Variants in FGF14 observed in about 807,000 individuals in gnomAD.
FGF14 encodes the protein fibroblast growth factor homologous factor 4.
FGF14 carries 5 observed loss-of-function variants against 25.5 expected under a neutral mutation model. That is an observed-to-expected ratio of 0.20 (90% CI 0.10 to 0.41). FGF14 has a LOEUF of 0.41. FGF14 is among the 10% of genes least tolerant of loss of function. The pLI, the probability that FGF14 is intolerant of heterozygous loss-of-function variation, is 1.00. For synonymous variants in FGF14, 138 were observed against 118.3 expected (o/e 1.17, Z -1.08); for missense variants, 222 against 320.1 (o/e 0.69, Z 2.34).
At chr13:102,026,658 TAGTC>T (rs1158706123) in intron 1 of FGF14, among the ~76,000 whole-genome samples, 1 of 152,016 alleles carries the variant, frequency 6.6e-6, no homozygotes, top group Non-Finnish European at 1.5e-5. Context: ...CCAGTTAAAT[TAGTC>T]AAGAATAGTG....
intron 1 of FGF14, among the ~76,000 whole-genome samples, chr13:102,391,181 G>A (rs1375941193): frequency 6.6e-6 from 1 of 152,126 alleles, no homozygotes; most frequent in Admixed American, 6.5e-5. Flanking sequence ...ATATGTAAAA[G>A]GACAAAATCT....
At chr13:102,021,065 C>T (rs1157122908) in intron 1 of FGF14, among the ~76,000 whole-genome samples, 1 of 151,782 alleles carries the variant, frequency 6.6e-6, no homozygotes, top group Admixed American at 6.6e-5. Context: ...AGGGGTATGA[C>T]TACTGGGTGT....
At chr13:102,052,253 T>C (rs2042242969) in intron 1 of FGF14, among the ~76,000 whole-genome samples, 1 of 152,100 alleles carries the variant, frequency 6.6e-6, no homozygotes, top group Non-Finnish European at 1.5e-5. Flanking sequence ...ACAGGATTCA[T>C]AGGTCAACAT....
At chr13:101,873,388 G>A (rs370124242) in intron 2 of FGF14, among the ~76,000 whole-genome samples, 2 of 152,196 alleles carry the variant, frequency 1.3e-5, no homozygotes, top group South Asian at 4.1e-4. Flanking sequence ...ATGAAGCTAT[G>A]GTGTATGTCC....
intron 1 of FGF14, among the ~76,000 whole-genome samples, chr13:102,014,687 C>T (rs997955334): frequency 6.6e-6 from 1 of 152,136 alleles, no homozygotes; most frequent in Non-Finnish European, 1.5e-5. Context: ...CTTCCATTTT[C>T]TACTCCACAG....
intron 1 of FGF14, among the ~76,000 whole-genome samples, chr13:102,050,368 T>G (rs1017547819): frequency 6.6e-6 from 1 of 152,188 alleles, no homozygotes; most frequent in Non-Finnish European, 1.5e-5. Context: ...GGAGTCACAC[T>G]TTATGGTCAT....
At chr13:102,342,726 T>G (rs1165289245) in intron 1 of FGF14, among the ~76,000 whole-genome samples, 1 of 152,130 alleles carries the variant, frequency 6.6e-6, no homozygotes, top group Non-Finnish European at 1.5e-5. Context: ...AAAATGTTGA[T>G]GTCATTTTCC....
chr13:102,288,090 A>G (rs545619041), intron 1 of FGF14, among the ~76,000 whole-genome samples: 1 of 152,212 alleles, frequency 6.6e-6, no homozygotes, highest in African/African-American at 2.4e-5. Flanking sequence ...CATGACCATG[A>G]CAGTTTATTT....
chr13:102,364,310 C>T (rs557888852), intron 1 of FGF14, among the ~76,000 whole-genome samples: 1 of 152,348 alleles, frequency 6.6e-6, no homozygotes, highest in East Asian at 1.9e-4. Context: ...TTTAGCATGA[C>T]ACTACTTTCA....
intron 1 of FGF14, among the ~76,000 whole-genome samples, chr13:102,112,210 C>A (rs930917886): frequency 6.6e-6 from 1 of 152,152 alleles, no homozygotes; most frequent in African/African-American, 2.4e-5. Flanking sequence ...TAATCTGACC[C>A]AGAGAATAGA....
chr13:102,247,407 AT>A (rs2051931357), intron 1 of FGF14, among the ~76,000 whole-genome samples: 1 of 152,122 alleles, frequency 6.6e-6, no homozygotes, highest in African/African-American at 2.4e-5. Flanking sequence ...AAACAACCCC[AT>A]TAAAAACAAG....
At chr13:102,399,057 A>G (rs1370499890) in intron 1 of FGF14, among the ~76,000 whole-genome samples, 1 of 152,076 alleles carries the variant, frequency 6.6e-6, no homozygotes, top group Non-Finnish European at 1.5e-5. Context: ...CATAAGCTGC[A>G]AAATGAATTG....
At chr13:101,745,603 C>G (rs959150758) in intron 3 of FGF14, among the ~76,000 whole-genome samples, 2 of 152,044 alleles carry the variant, frequency 1.3e-5, no homozygotes, top group Non-Finnish European at 2.9e-5. Context: ...TAGTTGAAAT[C>G]ATACAGTATG....
rs200642951 is a variant in FGF14, at chr13:101,726,628, T to C, written c.591A>G (p.Leu197=). The change falls in exon 4 of 5, where the codon CTA becomes CTG. Residue 197 remains leucine (L), a synonymous_variant. Coordinates refer to ENST00000376143, the MANE Select transcript of FGF14 (RefSeq NM_004115.4). ...VKKTKPAAHF[L]PKPLEVAMYR... ...AATACTCACCTTCCAATGGCTTGGG[T>C]AGAAAATGAGCTGCTGGTTTGGTTT... 4.3e-6 allele frequency: 7 copies of C among 1,613,306 alleles called. No individual in the cohort carries two copies. The highest frequency in any genetic ancestry group is 5.9e-6 in the Non-Finnish European group (7 of 1,179,502).
chr13:102,275,262 T>TCTCTCTCTCTCTCTCTCTC lies in FGF14; in HGVS notation c.208+126208_208+126209insGAGAGAGAGAGAGAGAGAG, dbSNP rs1555391875. Among the ~76,000 whole-genome samples the TCTCTCTCTCTCTCTCTCTC allele has an allele frequency of 1.1e-3, 75 of 68,982 alleles. 5 individuals are homozygous for TCTCTCTCTCTCTCTCTCTC. Among genetic ancestry groups the TCTCTCTCTCTCTCTCTCTC allele is most frequent in the South Asian group, 2.7e-3 (5 of 1,862 alleles). 45.3% of individuals were successfully genotyped at this position (68,982 alleles called of 152,430 possible). On this transcript the variant is annotated intron_variant, in intron 1 of 4. Coordinates refer to the FGF14 transcript ENST00000376131. ...TCTCTCTCTCTCTCTCTCTCTCTCT[T>TCTCTCTCTCTCTCTCTCTC]TCTCTCTCTCTCTCTCTCTCTCTCT...
intron 1 of FGF14, chr13:102,300,379 C>T (rs1305976453): frequency 1.3e-5 from 2 of 151,246 alleles, no homozygotes; most frequent in African/African-American, 2.5e-5. Flanking sequence ...CTAATACCTG[C>T]TGGACATTTC....
intron 1 of FGF14, among the ~76,000 whole-genome samples, chr13:102,277,116 G>A (rs954184142): frequency 7.9e-5 from 12 of 152,134 alleles, no homozygotes; most frequent in Admixed American, 1.3e-4. Context: ...CTAGAATATG[G>A]CCAATTTTAC....
intron 1 of FGF14, among the ~76,000 whole-genome samples, chr13:101,936,290 G>T (rs1227637986): frequency 6.6e-6 from 1 of 152,094 alleles, no homozygotes; most frequent in Non-Finnish European, 1.5e-5. Flanking sequence ...GAATTTCACA[G>T]TTGATTTATT....
chr13:101,920,722 C>T (rs1025493092), upstream of FGF14, among the ~76,000 whole-genome samples: 1 of 152,032 alleles, frequency 6.6e-6, no homozygotes, highest in Admixed American at 6.6e-5. Context: ...TTAGATAATT[C>T]GAAACATAAG....
Sources: allele counts gnomAD v4.1 joint callset (sites outside exome capture counted in the v4.1 genomes callset), GRCh38; gene constraint gnomAD v4.1.1; transcripts MANE v1.5; gene names NCBI Gene and HGNC (gene_info 2026-07-23, HGNC 2026-07-21).